The following PRCD variants were observed in gnomAD, a reference collection of about 807,000 sequenced individuals.
The protein encoded by PRCD is photoreceptor disc component.
PRCD carries 12 observed loss-of-function variants against 10.1 expected under a neutral mutation model. The observed-to-expected ratio is 1.18, with a 90% confidence interval of 0.76 to 1.92. PRCD has a LOEUF of 1.92. PRCD is among the 40% of genes most tolerant of loss of function. PRCD has a pLI of 0.00. For missense variants in PRCD, 61 were observed against 72.2 expected, an observed-to-expected ratio of 0.84 and a Z score of 0.56; for synonymous variants, 31 against 26.2, an observed-to-expected ratio of 1.18 and a Z score of -0.56.
chr17:76,529,194 C>T, intron 1 of PRCD: 2 of 985,402 alleles, frequency 2.0e-6, no homozygotes, highest in South Asian at 4.7e-5. Context: ...CCATCCTACC[C>T]TCGAGCCCAT....
rs761845571 is a variant in PRCD, at chr17:76,531,049, G to C, written n.45+3216G>C. The C allele has an allele frequency of 3.1e-6, 5 of 1,613,558 alleles. No individual in the cohort carries two copies. In the Admixed American group the frequency reaches 6.7e-5, roughly 22 times the overall value. On this transcript the variant is annotated intron_variant and non_coding_transcript_variant, in intron 1 of 4. Transcript: ENST00000397633. This position sits in a 1 kb window ranked among gnomAD's most constrained non-coding sequence, Gnocchi z 7.4. Reference sequence around the variant, plus strand: ...GCAGCGGTCACGTGGCTGTAGATGAGGCCACGCAGCTTGGCCCAGGCTCTC... The same window carrying C: ...GCAGCGGTCACGTGGCTGTAGATGACGCCACGCAGCTTGGCCCAGGCTCTC...
At position 76,528,571 on chromosome 17, in the gene PRCD, A is replaced by G; in HGVS notation, n.45+738A>G. 8.0e-7 allele frequency: 1 copy of G among 1,243,906 alleles called. No homozygotes were observed. Among genetic ancestry groups the G allele is most frequent in the Non-Finnish European group, 1.0e-6 (1 of 981,764 alleles). The allele number at this position is 1,243,906 out of a possible 1,614,324, so 77.1% of individuals were successfully genotyped here. ...TGCTGCCAGGGAGGGGGGTGGAGTT[A>G]GGGGTCCTACGGCCCCGAAGAGGGC... On this transcript the variant is annotated intron_variant and non_coding_transcript_variant, in intron 1 of 4. Transcript: ENST00000397633. This position sits in a 1 kb window ranked among gnomAD's most constrained non-coding sequence, Gnocchi z 5.8.
At chr17:76,534,014 G>A (rs915106061) in intron 1 of PRCD, among the ~76,000 whole-genome samples, 8 of 152,150 alleles carry the variant, frequency 5.3e-5, no homozygotes, top group Non-Finnish European at 8.8e-5. Context: ...CTCCAGCTTG[G>A]GTGACAGAGC....
At chr17:76,543,741 C>T (rs1236281434) in intron 4 of PRCD, 62 bp from the exon 5 acceptor site, 8 of 469,280 alleles carry the variant, frequency 1.7e-5, no homozygotes, top group Middle Eastern at 5.2e-4. Flanking sequence ...ACTTGTGGTC[C>T]GAGGTGCTGG....
chr17:76,528,631 G>T lies in PRCD; in HGVS notation n.45+798G>T. 7.9e-7 allele frequency: 1 copy of T among 1,272,918 alleles called. No individual in the cohort carries two copies. The allele number at this position is 1,272,918 out of a possible 1,614,324, so 78.9% of individuals were successfully genotyped here. ...GGTGGGCTGTGGACGAGATAGGAAGGGAAGGACAAACGTTACCAGAGGCAG... is the reference window on the plus strand; with the variant it reads ...GGTGGGCTGTGGACGAGATAGGAAGTGAAGGACAAACGTTACCAGAGGCAG... On this transcript the variant is annotated intron_variant and non_coding_transcript_variant, in intron 1 of 4. Coordinates refer to the PRCD transcript ENST00000397633. The surrounding 1 kb of genome is among the most constrained non-coding windows in gnomAD (Gnocchi z 5.8).
rs2074843667 is a variant in PRCD, at chr17:76,531,532, C to T, written n.45+3699C>T. On this transcript the variant is annotated intron_variant and non_coding_transcript_variant, in intron 1 of 4. Transcript: ENST00000397633. The surrounding 1 kb of genome is among the most constrained non-coding windows in gnomAD (Gnocchi z 7.4). ...CCACAAGGGCGAGCACAGAGGACAC[C>T]TTGTCGGGGTCATGCAGGTTCTCCA... The T allele has an allele frequency of 1.9e-6, 3 of 1,614,052 alleles. No homozygotes were observed. Among genetic ancestry groups the T allele is most frequent in the African/African-American group, 1.3e-5 (1 of 74,946 alleles).
upstream of PRCD, among the ~76,000 whole-genome samples, chr17:76,537,053 C>G (rs896795158): frequency 6.6e-6 from 1 of 152,218 alleles, no homozygotes; most frequent in African/African-American, 2.4e-5. Flanking sequence ...CCCTGCTATA[C>G]TACCTTTGAA....
upstream of PRCD, chr17:76,537,341 T>A: frequency 3.3e-6 from 5 of 1,497,390 alleles, no homozygotes; most frequent in Non-Finnish European, 4.4e-6. Flanking sequence ...AGCCCTCCTC[T>A]GCCCGGAGCC....
Position 76,528,023 on chromosome 17 carries a change from T to C in PRCD, n.45+190T>C, listed in dbSNP as rs966677003. Reference sequence around the variant, plus strand: ...ATTTCCTCTTTGCCAGAACACTCTGTTCTCTGCACAACCGGAACCCCTCCC... The same window carrying C: ...ATTTCCTCTTTGCCAGAACACTCTGCTCTCTGCACAACCGGAACCCCTCCC... On this transcript the variant is annotated intron_variant and non_coding_transcript_variant, in intron 1 of 4. Coordinates refer to the PRCD transcript ENST00000397633. The surrounding 1 kb of genome is among the most constrained non-coding windows in gnomAD (Gnocchi z 5.8). 2.7e-5 allele frequency: 10 copies of C among 366,430 alleles called. No homozygotes were observed. The highest frequency in any genetic ancestry group is 2.6e-4 in the Admixed American group (7 of 27,036). The allele number at this position is 366,430 out of a possible 1,614,324, so 22.7% of individuals were successfully genotyped here.
Position 76,540,263 on chromosome 17 carries a change from G to GGC in PRCD, c.74+48_74+49insGC, listed in dbSNP as rs1567911066. ...GCTGGCGGTTGGTCGGGGGGGGGGGGCATGGGGCTGGGCTGCCACCAAGCT... is the reference window on the plus strand; with the variant it reads ...GCTGGCGGTTGGTCGGGGGGGGGGGGGCCATGGGGCTGGGCTGCCACCAAGCT... On this transcript the variant is annotated intron_variant, in intron 1 of 4. Transcript: ENST00000592014. This position sits in a 1 kb window ranked among gnomAD's most constrained non-coding sequence, Gnocchi z 5.0. 2.6e-5 allele frequency: 16 copies of GGC among 610,928 alleles called. No homozygotes were observed. The highest frequency in any genetic ancestry group is 3.7e-4 in the Middle Eastern group (1 of 2,708). The allele number at this position is 610,928 out of a possible 1,614,324, so 37.8% of individuals were successfully genotyped here.
At chr17:76,537,249 G>GC, upstream of PRCD, 1 of 848,106 alleles carries the variant, frequency 1.2e-6, no homozygotes, top group Non-Finnish European at 1.6e-6. Context: ...ACCCCAAGGC[G>GC]CCCCACGCCG....
intron 4 of PRCD, 128 bp downstream of exon 4, chr17:76,543,249 G>T (rs2075013827): frequency 5.5e-6 from 2 of 366,020 alleles, no homozygotes; most frequent in Non-Finnish European, 1.1e-5. Context: ...TCTCGGACGG[G>T]CTTCCTTCCC....
chr17:76,544,457 G>A lies in PRCD; in HGVS notation c.*807G>A, dbSNP rs2075030696. The A allele has an allele frequency of 6.6e-6, 3 of 455,156 alleles. No homozygotes were observed. The highest frequency in any genetic ancestry group is 4.0e-5 in the African/African-American group (2 of 50,048). 28.2% of individuals were successfully genotyped at this position (455,156 alleles called of 1,614,324 possible). A position where few individuals can be genotyped will look rare whatever the true frequency, so the allele number is the denominator to read the frequency against. On this transcript the variant is annotated 3_prime_UTR_variant, in exon 5 of 5. Transcript: ENST00000592014. Reference sequence around the variant, plus strand: ...GCACCCCGCTGGGGAGGGCCTGCTGGTACCTCGGGGAGCCTGGCTGGGGTG... The same window carrying A: ...GCACCCCGCTGGGGAGGGCCTGCTGATACCTCGGGGAGCCTGGCTGGGGTG...
Position 76,530,338 on chromosome 17 carries a change from C to T in PRCD, n.45+2505C>T, listed in dbSNP as rs772559877. Among the ~76,000 whole-genome samples, 37 of 152,100 alleles carry T rather than the reference C, an allele frequency of 2.4e-4. No homozygotes were observed. Among genetic ancestry groups the T allele is most frequent in the Non-Finnish European group, 4.4e-4 (30 of 68,006 alleles). ...CCTCACGCTCCGAGTCAGCAGGAGT[C>T]ACAGAGGGCGGCCACCCTCCTTGAG... is the stretch of plus-strand genomic sequence containing the variant. On this transcript the variant is annotated intron_variant and non_coding_transcript_variant, in intron 1 of 4. Transcript: ENST00000397633. This position sits in a 1 kb window ranked among gnomAD's most constrained non-coding sequence, Gnocchi z 6.1.
chr17:76,531,131 C>A lies in PRCD; in HGVS notation n.45+3298C>A. 1 of 1,613,244 alleles carries A rather than the reference C, an allele frequency of 6.2e-7. No homozygotes were observed. The highest frequency in any genetic ancestry group is 8.5e-7 in the Non-Finnish European group (1 of 1,179,568). ...CCTCGGCGACCACCTCCAGAATGAC[C>A]CCAGAGAGGATCTGGGGGCAAAGGG... is the stretch of plus-strand genomic sequence containing the variant. On this transcript the variant is annotated intron_variant and non_coding_transcript_variant, in intron 1 of 4. Transcript: ENST00000397633. This position sits in a 1 kb window ranked among gnomAD's most constrained non-coding sequence, Gnocchi z 7.4.
chr17:76,528,959 C>A lies in PRCD; in HGVS notation n.45+1126C>A. On this transcript the variant is annotated intron_variant and non_coding_transcript_variant, in intron 1 of 4. Coordinates refer to the PRCD transcript ENST00000397633. This position sits in a 1 kb window ranked among gnomAD's most constrained non-coding sequence, Gnocchi z 5.8. The stretch of plus-strand genomic sequence containing the variant: ...CATTAATTCTGAAACGTGGCGCATT[C>A]TGTCCGGCCTGTCTCGTCCCTCCTC... 1 of 1,057,326 alleles carries A rather than the reference C, an allele frequency of 9.5e-7. No individual in the cohort carries two copies. The allele number at this position is 1,057,326 out of a possible 1,614,324, so 65.5% of individuals were successfully genotyped here. A position where few individuals can be genotyped will look rare whatever the true frequency, so the allele number is the denominator to read the frequency against.
upstream of PRCD, among the ~76,000 whole-genome samples, chr17:76,536,626 C>A (rs2074916897): frequency 6.6e-6 from 1 of 152,148 alleles, no homozygotes; most frequent in South Asian, 2.1e-4. Flanking sequence ...GAACGGGGCG[C>A]TCTGTGTTTG....
chr17:76,543,458 T>C (rs1218897223), intron 4 of PRCD: 1 of 340,538 alleles, frequency 2.9e-6, no homozygotes, highest in Middle Eastern at 1.1e-3. Flanking sequence ...CCATTCATTC[T>C]GTAATTTAAT....
At position 76,540,250 on chromosome 17, in the gene PRCD, T is replaced by TGGGGGGGGGGGGGGGGGGTGGGGGG; in HGVS notation, c.74+35_74+36insGGGGGGGGGGGGGGGGGGTGGGGGG. On this transcript the variant is annotated intron_variant, in intron 1 of 4. Coordinates refer to ENST00000592014, the MANE Select transcript of PRCD (RefSeq NM_001077620.3). The surrounding 1 kb of genome is among the most constrained non-coding windows in gnomAD (Gnocchi z 5.0). ...TGACCGGGCTATGGCTGGCGGTTGG[T>TGGGGGGGGGGGGGGGGGGTGGGGGG]CGGGGGGGGGGGGCATGGGGCTGGG... 1 of 463,680 alleles carries TGGGGGGGGGGGGGGGGGGTGGGGGG rather than the reference T, an allele frequency of 2.2e-6. No homozygotes were observed. The highest frequency in any genetic ancestry group is 2.2e-5 in the South Asian group (1 of 45,658). The allele number at this position is 463,680 out of a possible 1,614,324, so 28.7% of individuals were successfully genotyped here. A position where few individuals can be genotyped will look rare whatever the true frequency, so the allele number is the denominator to read the frequency against.
Sources: allele counts gnomAD v4.1 joint callset (sites outside exome capture counted in the v4.1 genomes callset), GRCh38; gene constraint gnomAD v4.1.1; non-coding constraint Gnocchi (gnomAD v3.1); transcripts MANE v1.5; gene names NCBI Gene and HGNC (gene_info 2026-07-23, HGNC 2026-07-21).